The following DLG2 variants were observed in gnomAD, a reference collection of about 807,000 sequenced individuals.
DLG2 encodes discs large MAGUK scaffold protein 2.
In DLG2, 45 loss-of-function variants were observed where a neutral mutation model predicts 132.5. That is an observed-to-expected ratio of 0.34 (90% confidence interval 0.27 to 0.44). The LOEUF (loss-of-function observed/expected upper bound fraction) is 0.44. Among genes scored for constraint, DLG2 ranks in the 20% least tolerant of loss-of-function variants. The pLI, the probability that DLG2 is intolerant of heterozygous loss-of-function variation, is 1.00. For synonymous variants in DLG2, 424 were observed against 419.6 expected (o/e 1.01, Z -0.13); for missense variants, 1,045 against 1,196.9 (o/e 0.87, Z 1.87).
intron 18 of DLG2, among the ~76,000 whole-genome samples, chr11:83,743,449 T>TTTTTTTTTTTTTTTTTTTTATTTA (rs1555372680): frequency 8.1e-6 from 1 of 124,094 alleles, no homozygotes; most frequent in Non-Finnish European, 1.6e-5. Context: ...TTTTTTTTTT[T>TTTTTTTTTTTTTTTTTTTTATTTA]ATGACAGGGT....
intron 8 of DLG2, among the ~76,000 whole-genome samples, chr11:84,234,773 C>G (rs2154338591): frequency 6.6e-6 from 1 of 152,300 alleles, no homozygotes; most frequent in South Asian, 2.1e-4. Context: ...ACCAACATGA[C>G]AGAGAGCAGG....
intron 6 of DLG2, among the ~76,000 whole-genome samples, chr11:84,848,258 CT>C (rs1182966770): frequency 2.0e-5 from 3 of 152,096 alleles, no homozygotes; most frequent in African/African-American, 7.2e-5. Context: ...CTTTGGGAGG[CT>C]GAGGTGGGTG....
intron 6 of DLG2, among the ~76,000 whole-genome samples, chr11:84,589,760 G>A (rs771520320): frequency 6.6e-5 from 10 of 152,042 alleles, no homozygotes; most frequent in African/African-American, 1.9e-4. Flanking sequence ...TGTCACCTCC[G>A]GCTATGGCAC....
intron 6 of DLG2, among the ~76,000 whole-genome samples, chr11:85,019,567 C>T (rs2059858148): frequency 6.6e-6 from 1 of 151,672 alleles, no homozygotes; most frequent in Admixed American, 6.6e-5. Flanking sequence ...TGTGCTGCAC[C>T]CACTAACTCG....
chr11:85,520,834 C>T (rs1382405752), intron 3 of DLG2, among the ~76,000 whole-genome samples: 1 of 152,080 alleles, frequency 6.6e-6, no homozygotes, highest in African/African-American at 2.4e-5. Context: ...AATTAGACCC[C>T]TATCTCTTGC....
intron 6 of DLG2, among the ~76,000 whole-genome samples, chr11:84,668,230 C>G (rs1295677942): frequency 6.6e-6 from 1 of 152,210 alleles, no homozygotes; most frequent in Admixed American, 6.5e-5. Flanking sequence ...GTCTATACTT[C>G]TATAATGCCA....
chr11:84,828,191 T>C (rs1599061754), intron 6 of DLG2, among the ~76,000 whole-genome samples: 1 of 151,728 alleles, frequency 6.6e-6, no homozygotes, highest in South Asian at 2.1e-4. Flanking sequence ...AGCAGGGAAG[T>C]GTCATTAGGT....
At chr11:84,407,703 T>A (rs1479293394) in intron 7 of DLG2, among the ~76,000 whole-genome samples, 2 of 152,218 alleles carry the variant, frequency 1.3e-5, no homozygotes, top group African/African-American at 4.8e-5. Context: ...GATATTTATT[T>A]GCAGTGCTAG....
intron 10 of DLG2, among the ~76,000 whole-genome samples, chr11:84,067,162 A>G (rs1188229056): frequency 6.6e-6 from 1 of 151,662 alleles, no homozygotes; most frequent in Non-Finnish European, 1.5e-5. Flanking sequence ...GTGAAACCCC[A>G]TCTCTACCAA....
chr11:83,613,004 T>G (rs138887279), intron 19 of DLG2, among the ~76,000 whole-genome samples: 111 of 152,336 alleles, frequency 7.3e-4, no homozygotes, highest in Non-Finnish European at 1.2e-3. Flanking sequence ...TTGAATCTTT[T>G]CCATTTTCAC....
At chr11:83,682,346 T>G (rs1383095167) in intron 18 of DLG2, 7 of 985,402 alleles carry the variant, frequency 7.1e-6, no homozygotes, top group Non-Finnish European at 8.4e-6. Flanking sequence ...ATTCTCATAT[T>G]TTACATCACA....
At chr11:84,686,639 T>TG (rs1565660554) in intron 6 of DLG2, among the ~76,000 whole-genome samples, 15 of 150,160 alleles carry the variant, frequency 1.0e-4, no homozygotes, top group Admixed American at 1.3e-4. Context: ...GGTTTTTTTT[T>TG]TTTTTTTTTT....
In DLG2 at chr11:83,784,704, G is replaced by C. The variant is rs567896031; in HGVS notation, c.1825+1986C>G. Among the ~76,000 whole-genome samples the C allele has an allele frequency of 2.0e-5, 3 of 152,348 alleles. No homozygotes were observed. In the East Asian group the frequency reaches 5.8e-4, roughly 29 times the overall value. On this transcript the variant is annotated intron_variant, in intron 18 of 27. Coordinates refer to ENST00000376104, the MANE Select transcript of DLG2 (RefSeq NM_001142699.3). ...CAGTAGAAAGATGAAGATCTACATT[G>C]ATAGAACAGGGACATGTTTGTCCTT...
At chr11:84,513,302 A>C (rs546837452) in intron 7 of DLG2, among the ~76,000 whole-genome samples, 1 of 152,072 alleles carries the variant, frequency 6.6e-6, no homozygotes, top group Non-Finnish European at 1.5e-5. Context: ...AAAAATACCA[A>C]TGACATTCTT....
chr11:84,120,850 A>ATTAT (rs1181924098), intron 9 of DLG2, among the ~76,000 whole-genome samples: 1 of 152,208 alleles, frequency 6.6e-6, no homozygotes, highest in Non-Finnish European at 1.5e-5. Flanking sequence ...GTAAACTTAT[A>ATTAT]TTATGTATGT....
chr11:84,055,360 C>T (rs2096480925), intron 11 of DLG2, among the ~76,000 whole-genome samples: 1 of 152,088 alleles, frequency 6.6e-6, no homozygotes, highest in Non-Finnish European at 1.5e-5. Flanking sequence ...CGCTTCATAG[C>T]AGCCAGAATG....
At chr11:83,592,272 A>T (rs1236155849) in intron 19 of DLG2, among the ~76,000 whole-genome samples, 1 of 151,312 alleles carries the variant, frequency 6.6e-6, no homozygotes, top group Non-Finnish European at 1.5e-5. Context: ...TCAAAACAGC[A>T]TGGTACTGGT....
At chr11:84,168,092 T>A (rs934992186) in intron 8 of DLG2, among the ~76,000 whole-genome samples, 1 of 152,202 alleles carries the variant, frequency 6.6e-6, no homozygotes, top group African/African-American at 2.4e-5. Flanking sequence ...TAAGCATGCA[T>A]AAAGTGTCAA....
intron 7 of DLG2, among the ~76,000 whole-genome samples, chr11:84,502,243 C>CTTCCTTCCTTCTTTCTTTCT (rs2099213940): frequency 3.0e-5 from 1 of 33,182 alleles, no homozygotes; most frequent in Non-Finnish European, 5.1e-5. Flanking sequence ...TCCTTCCTTC[C>CTTCCTTCCTTCTTTCTTTCT]TTCCTTCCTT....
Sources: gnomAD v4.1 joint callset for allele counts (sites outside exome capture counted in the v4.1 genomes callset) on GRCh38, gnomAD v4.1.1 for gene constraint, MANE v1.5 for transcripts, NCBI Gene and HGNC (gene_info 2026-07-23, HGNC 2026-07-21) for gene names.